The following ANO9 variants were observed in gnomAD, a reference collection of about 807,000 sequenced individuals.
The protein encoded by ANO9 is anoctamin-9.
A neutral mutation model predicts 100.5 loss-of-function variants in ANO9; 80 were observed. That is an observed-to-expected ratio of 0.80 (90% confidence interval 0.66 to 0.96). The LOEUF (loss-of-function observed/expected upper bound fraction) is 0.96. Ranked by LOEUF, ANO9 falls within the 40% of genes least tolerant of loss-of-function variation. ANO9 has a pLI of 0.00. For missense variants in ANO9, 1,064 were observed against 1,072.7 expected (o/e 0.99, Z 0.11); for synonymous variants, 473 against 435.6 (o/e 1.09, Z -1.07).
At chr11:426,223 G>T (rs1848512066) in intron 15 of ANO9, among the ~76,000 whole-genome samples, 1 of 152,138 alleles carries the variant, frequency 6.6e-6, no homozygotes. Flanking sequence ...GGCGACTGCA[G>T]GTGCAGTGGG....
chr11:438,847 T>G (rs1845599577), intron 1 of ANO9, among the ~76,000 whole-genome samples: 1 of 152,114 alleles, frequency 6.6e-6, no homozygotes, highest in African/African-American at 2.4e-5. Context: ...ATGTCCCCAG[T>G]CCATGGGCCC....
At chr11:429,402 G>A in intron 11 of ANO9, 168 bp downstream of exon 11, 1 of 1,444,708 alleles carries the variant, frequency 6.9e-7, no homozygotes, top group Non-Finnish European at 9.2e-7. Flanking sequence ...GACAGACACA[G>A]GGACACGCCT....
Position 439,965 on chromosome 11 carries a change from G to T in ANO9, c.6+1956C>A, listed in dbSNP as rs1845731198. Among the ~76,000 whole-genome samples, 6 of 152,372 alleles carry T rather than the reference G, an allele frequency of 3.9e-5. No individual in the cohort carries two copies. In the South Asian group the frequency reaches 1.2e-3, roughly 32 times the overall value. On this transcript the variant is annotated intron_variant, in intron 1 of 22. Transcript: ENST00000332826. Reference sequence around the variant, plus strand: ...CGTGGCGTTCGTGGACGCAGGGGCGGGGGCCTACTTGGCAGGTGAGGAGGC... The same window carrying T: ...CGTGGCGTTCGTGGACGCAGGGGCGTGGGCCTACTTGGCAGGTGAGGAGGC...
intron 19 of ANO9, 21 bp from the exon 20 acceptor site, chr11:419,750 A>G: frequency 1.3e-6 from 2 of 1,588,224 alleles, no homozygotes; most frequent in Non-Finnish European, 1.7e-6. Context: ...GCAGTGGGCA[A>G]GCGGTCTGAC....
chr11:428,409 A>G lies in ANO9; in HGVS notation c.1186-15T>C. ...CACCTGTTGATCTGCGGAGGAGGGCACCGAATGGGCTCACTGGGGCTCCGG... is the reference window on the plus strand; with the variant it reads ...CACCTGTTGATCTGCGGAGGAGGGCGCCGAATGGGCTCACTGGGGCTCCGG... On this transcript the variant is annotated splice_polypyrimidine_tract_variant and intron_variant, in intron 13 of 22. Coordinates refer to ENST00000332826, the MANE Select transcript of ANO9 (RefSeq NM_001012302.3). 6.2e-7 allele frequency: 1 copy of G among 1,612,638 alleles called. No homozygotes were observed. Among genetic ancestry groups the G allele is most frequent in the East Asian group, 2.2e-5 (1 of 44,856 alleles).
At chr11:435,474 GCATAA>G (rs1849403876) in intron 1 of ANO9, among the ~76,000 whole-genome samples, 1 of 151,694 alleles carries the variant, frequency 6.6e-6, no homozygotes, top group African/African-American at 2.4e-5. Flanking sequence ...GTATAGCATA[GCATAA>G]CATAATACGG....
chr11:419,470 A>G, intron 20 of ANO9, 112 bp downstream of exon 20: 2 of 1,481,920 alleles, frequency 1.3e-6, no homozygotes, highest in Non-Finnish European at 1.8e-6. Context: ...CTAAAGCCCC[A>G]GGGGTACCAA....
chr11:418,967 G>A lies in ANO9; in HGVS notation c.1957C>T (p.His653Tyr). The A allele has an allele frequency of 6.2e-7, 1 of 1,613,516 alleles. No homozygotes were observed. The highest frequency in any genetic ancestry group is 8.5e-7 in the Non-Finnish European group (1 of 1,179,970). Reference sequence around the variant, plus strand: ...TTGGTGTGGAAGACGGACAGGCTGTGGTTGACGTAGCCCTTGAGGCAGCTG... The same window carrying A: ...TTGGTGTGGAAGACGGACAGGCTGTAGTTGACGTAGCCCTTGAGGCAGCTG... ...TVDCLKGYVN[H>Y]SLSVFHTKDF... Residue 653 changes from histidine (H) to tyrosine (Y), a missense_variant, in exon 21 of 23, where the codon CAC (histidine) becomes TAC (tyrosine). Transcript: ENST00000332826.
rs1766687493 is a variant in ANO9, at chr11:418,979, C to A, written c.1945G>T (p.Gly649Cys). The change falls in exon 21 of 23, where the codon GGC becomes TGC. Residue 649 changes from glycine (G) to cysteine (C), a missense_variant. Physicochemically the swap from Gly to Cys is radical, Grantham distance 159. Coordinates refer to ENST00000332826, the MANE Select transcript of ANO9 (RefSeq NM_001012302.3). ...ACGGACAGGCTGTGGTTGACGTAGC[C>A]CTTGAGGCAGCTGGGGAGAGGGGAG... Reference protein sequence around the residue: ...EGNSTVDCLKGYVNHSLSVFH... With the variant: ...EGNSTVDCLKCYVNHSLSVFH... 1 of 1,613,048 alleles carries A rather than the reference C, an allele frequency of 6.2e-7. No homozygotes were observed. The highest frequency in any genetic ancestry group is 1.7e-5 in the Admixed American group (1 of 59,976).
In ANO9 at chr11:418,146, C is replaced by T. The variant is rs1472173409; in HGVS notation, c.*225G>A. On this transcript the variant is annotated 3_prime_UTR_variant, in exon 23 of 23. Transcript: ENST00000332826. ...CCAGTTCTGTGGGTGCCCAGGGTCA[C>T]CCAGAGTTCAAGTCAGGGCTGTGCC... The T allele has an allele frequency of 5.8e-6, 3 of 513,228 alleles. No homozygotes were observed. The highest frequency in any genetic ancestry group is 6.8e-6 in the Non-Finnish European group (2 of 294,098). 31.8% of individuals were successfully genotyped at this position (513,228 alleles called of 1,614,324 possible).
rs755109625 is a variant in ANO9 at position 420,699 on chromosome 11, C to T, written c.1633+19G>A. On this transcript the variant is annotated intron_variant, in intron 18 of 22. Coordinates refer to ENST00000332826, the MANE Select transcript of ANO9 (RefSeq NM_001012302.3). The stretch of plus-strand genomic sequence containing the variant: ...CCGCATTCGTCTCCGCGAACCCCCG[C>T]CCCGCAGCGCCCACGCACTCATCTC... The T allele has an allele frequency of 1.2e-5, 20 of 1,603,926 alleles. No homozygotes were observed. The highest frequency in any genetic ancestry group is 3.3e-4 in the Middle Eastern group (2 of 6,064).
At chr11:420,169 CT>C in intron 19 of ANO9, 1 of 1,376,728 alleles carries the variant, frequency 7.3e-7, no homozygotes, top group Non-Finnish European at 9.4e-7. Context: ...AGGCCGGCTG[CT>C]CTGTTCCAGC....
chr11:434,215 G>T, intron 1 of ANO9, 117 bp from the exon 2 acceptor site: 4 of 1,209,974 alleles, frequency 3.3e-6, no homozygotes, highest in Non-Finnish European at 2.3e-6. Flanking sequence ...CCCACAAGGA[G>T]AACAGCAAAG....
intron 1 of ANO9, among the ~76,000 whole-genome samples, chr11:439,210 G>A (rs1462922108): frequency 6.6e-6 from 1 of 152,242 alleles, no homozygotes; most frequent in Non-Finnish European, 1.5e-5. Flanking sequence ...CAGTACTCCA[G>A]GGCCCCAGGG....
At chr11:436,930 A>G (rs180918970) in intron 1 of ANO9, among the ~76,000 whole-genome samples, 3 of 818 alleles carry the variant, frequency 3.7e-3, no homozygotes, top group Non-Finnish European at 3.6e-3. Flanking sequence ...GGTGAGCAGG[A>G]GGTGAGCAGG....
chr11:434,207 C>T, intron 1 of ANO9, 109 bp from the exon 2 acceptor site: 1 of 1,292,342 alleles, frequency 7.7e-7, no homozygotes, highest in Non-Finnish European at 1.1e-6. Flanking sequence ...CGTCCCTCCC[C>T]ACAAGGAGAA....
At position 434,050 on chromosome 11, in the gene ANO9, G is replaced by T; in HGVS notation, c.55C>A (p.Pro19Thr). ...ILVEPEGDSFPLMEISTCETE... is the reference protein window; with the variant it reads ...ILVEPEGDSFTLMEISTCETE... ...TCACAGGTGCTGATCTCCATCAGCGGGAAGCTGTCCCCTTCGGGCTCCACC... is the reference window on the plus strand; with the variant it reads ...TCACAGGTGCTGATCTCCATCAGCGTGAAGCTGTCCCCTTCGGGCTCCACC... The change falls in exon 2 of 23, where the codon CCG (proline) becomes ACG (threonine). Residue 19 changes from proline to threonine, a missense_variant. Transcript: ENST00000332826. 1 of 1,551,088 alleles carries T rather than the reference G, an allele frequency of 6.4e-7. No homozygotes were observed. Among genetic ancestry groups the T allele is most frequent in the Non-Finnish European group, 8.7e-7 (1 of 1,147,390 alleles).
In ANO9 at chr11:429,629, T is replaced by C. The variant is rs1220259121; in HGVS notation, c.856A>G (p.Lys286Glu). 6.2e-7 allele frequency: 1 copy of C among 1,612,576 alleles called. No homozygotes were observed. Among genetic ancestry groups the C allele is most frequent in the Non-Finnish European group, 8.5e-7 (1 of 1,179,864 alleles). Residue 286 changes from lysine (K) to glutamate (E), a missense_variant, in exon 11 of 23, where the codon AAG (lysine) becomes GAG (glutamate). Coordinates refer to ENST00000332826, the MANE Select transcript of ANO9 (RefSeq NM_001012302.3). The part of the protein sequence containing the change: ...LWATVFLEIW[K>E]RQRARVVLHW... Reference sequence around the variant, plus strand: ...AGGACCACGCGGGCGCGCTGCCGCTTCCAGATCTCCAGGAACACCGTGGCT... The same window carrying C: ...AGGACCACGCGGGCGCGCTGCCGCTCCCAGATCTCCAGGAACACCGTGGCT...
At chr11:433,168 T>A in intron 4 of ANO9, 146 bp downstream of exon 4, 3 of 1,135,110 alleles carry the variant, frequency 2.6e-6, no homozygotes, top group Non-Finnish European at 3.6e-6. Flanking sequence ...CCAGTGGGTC[T>A]CACACCTGTG....
Sources: gnomAD v4.1 joint callset for allele counts (sites outside exome capture counted in the v4.1 genomes callset) on GRCh38, gnomAD v4.1.1 for gene constraint, MANE v1.5 for transcripts, NCBI Gene and HGNC (gene_info 2026-07-23, HGNC 2026-07-21) for gene names.